Variants in CD48 observed in about 807,000 individuals in gnomAD.
CD48 encodes CD48 antigen.
CD48 carries 20 observed loss-of-function variants against 22.0 expected under a neutral mutation model. That is an observed-to-expected ratio of 0.91 (90% CI 0.64 to 1.32). CD48 has a LOEUF of 1.32. CD48 is among the 40% of genes most tolerant of loss of function. CD48 has a pLI of 0.00. For synonymous variants in CD48, 110 were observed against 110.1 expected (o/e 1.00, Z 0.01); for missense variants, 307 against 286.5 (o/e 1.07, Z -0.52).
intron 1 of CD48, among the ~76,000 whole-genome samples, chr1:160,707,469 G>A (rs7548088): frequency 0.011 from 1,651 of 152,242 alleles, 28 homozygotes; most frequent in African/African-American, 0.038. Context: ...AGTGGCACAG[G>A]TCTTGACTGG....
chr1:160,684,678 G>T, intron 2 of CD48: 2 of 1,422,870 alleles, frequency 1.4e-6, no homozygotes, highest in Non-Finnish European at 1.9e-6. Flanking sequence ...TTCAGAAGAG[G>T]TGTTAAATGT....
At chr1:160,707,419 T>A (rs184742757) in intron 1 of CD48, among the ~76,000 whole-genome samples, 84 of 150,814 alleles carry the variant, frequency 5.6e-4, no homozygotes, top group Middle Eastern at 6.8e-3. Context: ...AGAAGGGAGG[T>A]GATTGACGAG....
intron 3 of CD48, 168 bp downstream of exon 3, chr1:160,681,034 G>T: frequency 6.8e-7 from 1 of 1,480,878 alleles, no homozygotes; most frequent in Non-Finnish European, 9.0e-7. Flanking sequence ...CTGGCTGGGA[G>T]GTGGTGGTAG....
At position 160,684,997 on chromosome 1, in the gene CD48, C is replaced by T; in HGVS notation, c.275G>A (p.Gly92Asp). The change falls in exon 2 of 4, where the codon GGC becomes GAC. Residue 92 changes from glycine (G) to aspartate (D), a missense_variant. Coordinates refer to ENST00000368046, the MANE Select transcript of CD48 (RefSeq NM_001778.4). The part of the protein sequence containing the change: ...KGRVRLDPQS[G>D]ALYISKVQKE... ...CTGGACCTTAGAGATGTACAGTGCG[C>T]CACTCTGAGGATCAAGTCTGACCCT... is the stretch of plus-strand genomic sequence containing the variant. 1 of 1,614,134 alleles carries T rather than the reference C, an allele frequency of 6.2e-7. No individual in the cohort carries two copies. The highest frequency in any genetic ancestry group is 1.3e-5 in the African/African-American group (1 of 75,038).
At chr1:160,688,349 G>A (rs562228158) in intron 1 of CD48, among the ~76,000 whole-genome samples, 24 of 152,134 alleles carry the variant, frequency 1.6e-4, no homozygotes, top group East Asian at 1.9e-4. Flanking sequence ...GGGAGGATTC[G>A]CAAGGTCTAG....
chr1:160,697,801 T>G (rs1662485883), intron 1 of CD48, among the ~76,000 whole-genome samples: 1 of 152,072 alleles, frequency 6.6e-6, no homozygotes, highest in Non-Finnish European at 1.5e-5. Context: ...CACCTCGAGG[T>G]CAATTCTACC....
intron 3 of CD48, among the ~76,000 whole-genome samples, 193 bp from the exon 4 acceptor site, chr1:160,679,324 G>A (rs192326323): frequency 2.0e-5 from 3 of 152,218 alleles, no homozygotes; most frequent in East Asian, 1.9e-4. Flanking sequence ...AAAAAATGCA[G>A]AAATTCCTTA....
intron 1 of CD48, among the ~76,000 whole-genome samples, chr1:160,708,967 C>A (rs960133063): frequency 1.6e-4 from 24 of 152,178 alleles, no homozygotes; most frequent in Non-Finnish European, 2.8e-4. Context: ...CTTTGAGCCT[C>A]CCTCTGTTCA....
chr1:160,693,575 A>G (rs1662304321), intron 1 of CD48, among the ~76,000 whole-genome samples: 1 of 152,306 alleles, frequency 6.6e-6, no homozygotes, highest in Non-Finnish European at 1.5e-5. Flanking sequence ...AGTCTTAAAT[A>G]AACAGAATAT....
intron 1 of CD48, among the ~76,000 whole-genome samples, chr1:160,694,101 C>G (rs538888649): frequency 6.6e-6 from 1 of 152,360 alleles, no homozygotes; most frequent in South Asian, 2.1e-4. Flanking sequence ...CAAATTCATA[C>G]TGGTGTGGTT....
At position 160,684,968 on chromosome 1, in the gene CD48, C is replaced by G. The variant is rs2295615; in HGVS notation, c.304G>C (p.Glu102Gln). 0.12 allele frequency: 195,497 copies of G among 1,614,010 alleles called. 12,570 individuals carry two copies. The highest frequency in any genetic ancestry group is 0.13 in the Non-Finnish European group (157,319 of 1,179,924). ...CTCATGATGTAGGTGCTGTTGTCCT[C>G]TTTCTGGACCTTAGAGATGTACAGT... is the stretch of plus-strand genomic sequence containing the variant. Reference protein sequence around the residue: ...GALYISKVQKEDNSTYIMRVL... With the variant: ...GALYISKVQKQDNSTYIMRVL... Residue 102 changes from glutamate (E) to glutamine (Q), a missense_variant, in exon 2 of 4, where the codon GAG becomes CAG. Physicochemically the swap from Glu to Gln is conservative, Grantham distance 29. Transcript: ENST00000368046.
At chr1:160,681,562 C>A in intron 2 of CD48, 94 bp from the exon 3 acceptor site, 1 of 1,464,268 alleles carries the variant, frequency 6.8e-7, no homozygotes, top group South Asian at 1.3e-5. Context: ...AGGGAAGGGG[C>A]CTGAATGCCC....
intron 1 of CD48, among the ~76,000 whole-genome samples, chr1:160,693,342 C>T (rs1662296787): frequency 1.3e-5 from 2 of 152,262 alleles, no homozygotes; most frequent in Admixed American, 1.3e-4. Flanking sequence ...AACGCCAATC[C>T]TGAGTGTCAA....
At position 160,681,300 on chromosome 1, in the gene CD48, A is replaced by G; in HGVS notation, c.554T>C (p.Leu185Pro). The G allele has an allele frequency of 1.2e-6, 2 of 1,614,194 alleles. No individual in the cohort carries two copies. ...ACACCTGGAGTAATTATGTGGCATA[A>G]GGGTGGTTTCAAGCACACTGTTCTG... ...ELQNSVLETTLMPHNYSRCYT... is the reference protein window; with the variant it reads ...ELQNSVLETTPMPHNYSRCYT... The change falls in exon 3 of 4, where the codon CTT (leucine) becomes CCT (proline). Residue 185 changes from leucine (L) to proline (P), a missense_variant. By Grantham distance (98) the Leu-to-Pro change is moderately conservative. Coordinates refer to ENST00000368046, the MANE Select transcript of CD48 (RefSeq NM_001778.4).
At chr1:160,679,552 GGAA>G (rs1345763327) in intron 3 of CD48, among the ~76,000 whole-genome samples, 8 of 151,640 alleles carry the variant, frequency 5.3e-5, no homozygotes, top group Non-Finnish European at 1.5e-5. Flanking sequence ...GCACCAACTA[GGAA>G]GAAGAAGGGA....
chr1:160,680,774 C>CTAA, intron 3 of CD48: 3 of 1,083,780 alleles, frequency 2.8e-6, no homozygotes, highest in Non-Finnish European at 3.4e-6. Context: ...CTTTGGCGGT[C>CTAA]TAATGACCTC....
intron 1 of CD48, among the ~76,000 whole-genome samples, chr1:160,693,209 A>G (rs557165179): frequency 6.6e-5 from 10 of 152,374 alleles, no homozygotes; most frequent in Admixed American, 3.3e-4. Context: ...CACATTTAAT[A>G]CAGTAAGACA....
At chr1:160,695,206 C>T (rs1240889904) in intron 1 of CD48, among the ~76,000 whole-genome samples, 1 of 152,292 alleles carries the variant, frequency 6.6e-6, no homozygotes, top group Non-Finnish European at 1.5e-5. Flanking sequence ...AGTGTTACCT[C>T]AGGGAATGCT....
chr1:160,689,509 A>T (rs1662114940), intron 1 of CD48, among the ~76,000 whole-genome samples: 2 of 152,218 alleles, frequency 1.3e-5, no homozygotes, highest in Admixed American at 1.3e-4. Context: ...GAGGAAGAGA[A>T]GAACAGAGGG....
Sources: allele counts gnomAD v4.1 joint callset (sites outside exome capture counted in the v4.1 genomes callset), GRCh38; gene constraint gnomAD v4.1.1; transcripts MANE v1.5; gene names NCBI Gene and HGNC (gene_info 2026-07-23, HGNC 2026-07-21).